Variants in EDIL3 observed in about 807,000 individuals in gnomAD.
The protein encoded by EDIL3 is EGF like and discoidin domains 3, also known as EGF-like repeat and discoidin I-like domain-containing protein 3.
A neutral mutation model predicts 67.4 loss-of-function variants in EDIL3; 37 were observed. The observed-to-expected ratio is 0.55, with a 90% CI of 0.42 to 0.72. The LOEUF is 0.72. Ranked by LOEUF, EDIL3 falls within the 30% of genes least tolerant of loss-of-function variation. EDIL3 has a pLI of 0.00. For missense variants in EDIL3, 527 were observed against 586.3 expected (o/e 0.90, Z 1.04); for synonymous variants, 195 against 196.3 (o/e 0.99, Z 0.05).
At chr5:84,283,716 A>G (rs914766174) in intron 1 of EDIL3, among the ~76,000 whole-genome samples, 1 of 152,204 alleles carries the variant, frequency 6.6e-6, no homozygotes, top group Non-Finnish European at 1.5e-5. Flanking sequence ...AATGTTTTAC[A>G]TATATTCCTT....
intron 5 of EDIL3, among the ~76,000 whole-genome samples, chr5:84,130,828 G>C (rs1747952122): frequency 6.6e-6 from 1 of 152,030 alleles, no homozygotes; most frequent in African/African-American, 2.4e-5. Flanking sequence ...GGTATTTGTA[G>C]TTCATATGTT....
At chr5:84,084,102 A>G (rs985307636) in intron 6 of EDIL3, among the ~76,000 whole-genome samples, 3 of 152,198 alleles carry the variant, frequency 2.0e-5, no homozygotes, top group African/African-American at 7.2e-5. Flanking sequence ...TTCAAAAAAT[A>G]AAGTTTCAAA....
chr5:84,134,198 ATATT>A (rs1183384378), intron 5 of EDIL3, among the ~76,000 whole-genome samples: 2 of 152,312 alleles, frequency 1.3e-5, no homozygotes, highest in African/African-American at 2.4e-5. Flanking sequence ...TATTTTTGTA[ATATT>A]TATCAAGGTA....
intron 1 of EDIL3, among the ~76,000 whole-genome samples, chr5:84,273,943 A>T (rs1433849853): frequency 6.6e-6 from 1 of 152,102 alleles, no homozygotes; most frequent in Non-Finnish European, 1.5e-5. Flanking sequence ...CAGTGTGTAC[A>T]TCTATGCCTT....
rs1428589420 is a variant in EDIL3 at position 84,319,382 on chromosome 5, T to C, written c.67+64926A>G. On this transcript the variant is annotated intron_variant, in intron 1 of 10. Transcript: ENST00000296591. ...GGGAGGCTGAGGCAGGAGAATGGCG[T>C]GAACCCAGAAGGCGGAGCTTGCAGT... Among the ~76,000 whole-genome samples the C allele has an allele frequency of 2.9e-5, 3 of 102,280 alleles. 1 individual carries two copies. Among genetic ancestry groups the C allele is most frequent in the African/African-American group, 1.1e-4 (3 of 28,392 alleles). The allele number at this position is 102,280 out of a possible 152,430, so 67.1% of individuals were successfully genotyped here.
intron 3 of EDIL3, among the ~76,000 whole-genome samples, chr5:84,194,539 A>G (rs1463522194): frequency 6.6e-6 from 1 of 151,962 alleles, no homozygotes; most frequent in Non-Finnish European, 1.5e-5. Context: ...CAAATATTTG[A>G]GAAGTCTGAA....
intron 1 of EDIL3, among the ~76,000 whole-genome samples, chr5:84,379,396 G>T (rs773659250): frequency 5.9e-5 from 9 of 152,060 alleles, no homozygotes; most frequent in Non-Finnish European, 1.3e-4. Context: ...CTTGTTTTAT[G>T]TAGAATCTTG....
At chr5:84,238,899 A>G (rs1285146116) in intron 2 of EDIL3, among the ~76,000 whole-genome samples, 3 of 152,142 alleles carry the variant, frequency 2.0e-5, no homozygotes. Context: ...AGGACTATTC[A>G]GGGTGGGCCC....
chr5:84,330,852 GA>G (rs1746856213), intron 1 of EDIL3, among the ~76,000 whole-genome samples: 1 of 152,100 alleles, frequency 6.6e-6, no homozygotes. Context: ...AACAAATTAG[GA>G]AAGGGTTGGC....
chr5:83,995,885 A>G (rs1408036911), intron 9 of EDIL3, among the ~76,000 whole-genome samples: 1 of 152,222 alleles, frequency 6.6e-6, no homozygotes, highest in Non-Finnish European at 1.5e-5. Flanking sequence ...TTTTTTATCT[A>G]TAATGAGCTA....
At chr5:84,141,176 T>C in intron 4 of EDIL3, among the ~76,000 whole-genome samples, 1 of 151,870 alleles carries the variant, frequency 6.6e-6, no homozygotes, top group East Asian at 1.9e-4. Flanking sequence ...AAGAAAAAAC[T>C]GATAAAGTAG....
At chr5:84,346,937 A>C (rs1747251399) in intron 1 of EDIL3, among the ~76,000 whole-genome samples, 2 of 152,202 alleles carry the variant, frequency 1.3e-5, no homozygotes, top group South Asian at 2.1e-4. Flanking sequence ...TGAAGTCAGA[A>C]TCATTTCAAT....
At chr5:83,979,322 A>T (rs1391077203) in intron 9 of EDIL3, among the ~76,000 whole-genome samples, 1 of 152,126 alleles carries the variant, frequency 6.6e-6, no homozygotes, top group Non-Finnish European at 1.5e-5. Context: ...TGAAAATCCA[A>T]ATTGGCTTAA....
intron 1 of EDIL3, among the ~76,000 whole-genome samples, chr5:84,342,945 G>A (rs909397532): frequency 1.3e-5 from 2 of 151,994 alleles, no homozygotes; most frequent in Non-Finnish European, 2.9e-5. Flanking sequence ...TTGTTTCAGA[G>A]ACTTTCTAAC....
intron 1 of EDIL3, among the ~76,000 whole-genome samples, chr5:84,256,965 C>T (rs184135896): frequency 6.6e-6 from 1 of 152,256 alleles, no homozygotes; most frequent in Non-Finnish European, 1.5e-5. Flanking sequence ...AAGACCCACC[C>T]ACCTATGTGG....
intron 9 of EDIL3, among the ~76,000 whole-genome samples, chr5:84,014,901 G>T (rs1348450902): frequency 6.6e-6 from 1 of 152,178 alleles, no homozygotes; most frequent in Non-Finnish European, 1.5e-5. Context: ...ACCATAGCAT[G>T]AATTGATACG....
chr5:83,963,382 G>A, intron 9 of EDIL3, 22 bp from the exon 10 acceptor site: 1 of 1,568,504 alleles, frequency 6.4e-7, no homozygotes, highest in East Asian at 2.3e-5. Context: ...GAAAAATACA[G>A]GCTTTAAATG....
chr5:84,137,831 C>T (rs183668538), intron 4 of EDIL3, among the ~76,000 whole-genome samples: 2 of 152,202 alleles, frequency 1.3e-5, no homozygotes, highest in African/African-American at 4.8e-5. Flanking sequence ...TTGATGAATA[C>T]GATGAGAAGC....
chr5:84,334,871 T>C lies in EDIL3; in HGVS notation c.67+49437A>G, dbSNP rs576115781. 1.7e-3 allele frequency among the ~76,000 whole-genome samples: 258 copies of C among 152,326 alleles called. 1 individual carries two copies. The highest frequency in any genetic ancestry group is 2.9e-3 in the Non-Finnish European group (199 of 68,020). On this transcript the variant is annotated intron_variant, in intron 1 of 10. Coordinates refer to ENST00000296591, the MANE Select transcript of EDIL3 (RefSeq NM_005711.5). ...TTAGTTCATGTGCTGTTTTGTGCTATAAAATTTTAAACTAAATTTGGGTCA... is the reference window on the plus strand; with the variant it reads ...TTAGTTCATGTGCTGTTTTGTGCTACAAAATTTTAAACTAAATTTGGGTCA...
Sources: allele counts gnomAD v4.1 joint callset (sites outside exome capture counted in the v4.1 genomes callset), GRCh38; gene constraint gnomAD v4.1.1; transcripts MANE v1.5; gene names NCBI Gene and HGNC (gene_info 2026-07-23, HGNC 2026-07-21).